Variants in CDYL2 observed in about 807,000 individuals in gnomAD.
CDYL2 encodes chromodomain Y-like protein 2.
In CDYL2, 23 loss-of-function variants were observed where a neutral mutation model predicts 49.4. That is an observed-to-expected ratio of 0.47 (90% CI 0.34 to 0.66). CDYL2 has a LOEUF of 0.66. CDYL2 is among the 30% of genes least tolerant of loss of function. The pLI is 0.01. For missense variants in CDYL2, 678 were observed against 656.4 expected (o/e 1.03, Z -0.36); for synonymous variants, 360 against 268.8 (o/e 1.34, Z -3.32).
intron 1 of CDYL2, among the ~76,000 whole-genome samples, chr16:80,704,615 C>T (rs1290218405): frequency 6.6e-6 from 1 of 152,224 alleles, no homozygotes; most frequent in Non-Finnish European, 1.5e-5. Flanking sequence ...TCAGGGAAGA[C>T]TCCTTGGAGG....
At chr16:80,631,101 G>A (rs892190102) in intron 3 of CDYL2, among the ~76,000 whole-genome samples, 1 of 152,178 alleles carries the variant, frequency 6.6e-6, no homozygotes, top group Non-Finnish European at 1.5e-5. Flanking sequence ...GAGACAAAAG[G>A]GCGAGCAAGA....
intron 2 of CDYL2, among the ~76,000 whole-genome samples, chr16:80,653,476 A>G (rs1908674497): frequency 6.6e-6 from 1 of 152,236 alleles, no homozygotes; most frequent in South Asian, 2.1e-4. Context: ...AAAAAACAAA[A>G]AAGCAAACAA....
At chr16:80,723,268 C>G (rs1905058792) in intron 1 of CDYL2, among the ~76,000 whole-genome samples, 1 of 152,210 alleles carries the variant, frequency 6.6e-6, no homozygotes, top group Non-Finnish European at 1.5e-5. Context: ...CTATGTATGG[C>G]TCCTACACAG....
intron 1 of CDYL2, among the ~76,000 whole-genome samples, chr16:80,760,783 G>A (rs1315725577): frequency 6.6e-6 from 1 of 151,548 alleles, no homozygotes; most frequent in Admixed American, 6.6e-5. Context: ...TAGAATGCAG[G>A]ATAGATGAAA....
At chr16:80,646,416 G>A (rs1244185162) in intron 2 of CDYL2, among the ~76,000 whole-genome samples, 2 of 152,164 alleles carry the variant, frequency 1.3e-5, no homozygotes, top group African/African-American at 4.8e-5. Context: ...AATGGCAGGA[G>A]AAAGTCTTTA....
chr16:80,666,055 A>G (rs181080189), intron 2 of CDYL2, among the ~76,000 whole-genome samples: 1 of 152,328 alleles, frequency 6.6e-6, no homozygotes, highest in Admixed American at 6.5e-5. Flanking sequence ...AAAGGAGAAG[A>G]GAAATGAAGA....
Position 80,633,231 on chromosome 16 carries a change from C to T in CDYL2, c.622G>A (p.Ala208Thr). The change falls in exon 3 of 7, where the codon GCT becomes ACT. Residue 208 changes from alanine (A) to threonine (T), a missense_variant. Physicochemically the swap from Ala to Thr is moderately conservative, Grantham distance 58 (BLOSUM62 0). This residue lies in a region of CDYL2 where 478 missense variants were observed against 427.0 expected (regional missense o/e 1.12). Coordinates refer to ENST00000570137, the MANE Select transcript of CDYL2 (RefSeq NM_152342.4). Reference protein sequence around the residue: ...ATLAENGLGSALTNGGLNLHS... With the variant: ...ATLAENGLGSTLTNGGLNLHS... ...AGGTTCAATCCCCCGTTGGTCAGAG[C>T]AGAGCCTTCCAAAACCAGATAAACA... 1 of 1,611,908 alleles carries T rather than the reference C, an allele frequency of 6.2e-7. No homozygotes were observed. Among genetic ancestry groups the T allele is most frequent in the Non-Finnish European group, 8.5e-7 (1 of 1,178,158 alleles).
At position 80,651,404 on chromosome 16, in the gene CDYL2, G is replaced by T. The variant is rs907589506; in HGVS notation, c.617-18168C>A. Among the ~76,000 whole-genome samples the T allele has an allele frequency of 3.3e-5, 5 of 152,256 alleles. No individual in the cohort carries two copies. In the South Asian group the frequency reaches 1.0e-3, roughly 32 times the overall value. ...CTAGTAAAAGCAAAAGTATAAAAAG[G>T]TAAAAAGATCAGTGGTTGCTAGAGG... On this transcript the variant is annotated intron_variant, in intron 2 of 6. Transcript: ENST00000570137.
At chr16:80,771,532 C>T (rs1011070130) in intron 1 of CDYL2, among the ~76,000 whole-genome samples, 2 of 152,108 alleles carry the variant, frequency 1.3e-5, no homozygotes, top group Non-Finnish European at 2.9e-5. Context: ...GGTGAAACCC[C>T]GTATCTACCA....
At chr16:80,781,418 G>C (rs755473580) in intron 1 of CDYL2, among the ~76,000 whole-genome samples, 2 of 152,140 alleles carry the variant, frequency 1.3e-5, no homozygotes, top group Non-Finnish European at 2.9e-5. Flanking sequence ...AGGAGGGAGA[G>C]ACAGACCGTT....
chr16:80,718,566 C>T (rs189916516), intron 1 of CDYL2, among the ~76,000 whole-genome samples: 26 of 152,266 alleles, frequency 1.7e-4, no homozygotes, highest in African/African-American at 3.8e-4. Flanking sequence ...TTTACTGCTC[C>T]GTGACAAGGC....
chr16:80,737,947 C>A (rs1345154068), intron 1 of CDYL2, among the ~76,000 whole-genome samples: 1 of 152,090 alleles, frequency 6.6e-6, no homozygotes, highest in East Asian at 1.9e-4. Flanking sequence ...TATACATGTG[C>A]CATGGTGGTT....
intron 1 of CDYL2, among the ~76,000 whole-genome samples, chr16:80,727,942 C>A (rs1166083567): frequency 3.9e-5 from 6 of 152,152 alleles, no homozygotes; most frequent in African/African-American, 1.4e-4. Context: ...ACCAAAAACC[C>A]ATCTGTACAT....
At chr16:80,736,703 G>A (rs1475116898) in intron 1 of CDYL2, among the ~76,000 whole-genome samples, 1 of 152,194 alleles carries the variant, frequency 6.6e-6, no homozygotes, top group African/African-American at 2.4e-5. Context: ...TTGAGTCTAG[G>A]AGTTCAAGAT....
At chr16:80,749,935 G>C (rs942003152) in intron 1 of CDYL2, among the ~76,000 whole-genome samples, 4 of 152,088 alleles carry the variant, frequency 2.6e-5, no homozygotes, top group Non-Finnish European at 5.9e-5. Context: ...GTCCTTTGTA[G>C]GGACATGGAT....
intron 2 of CDYL2, among the ~76,000 whole-genome samples, chr16:80,659,098 T>C (rs372604396): frequency 8.1e-4 from 108 of 132,928 alleles, no homozygotes; most frequent in Non-Finnish European, 1.2e-3. Flanking sequence ...GATGGATGGA[T>C]GGACAGACGG....
intron 1 of CDYL2, among the ~76,000 whole-genome samples, chr16:80,748,376 T>C (rs1271784290): frequency 1.3e-5 from 2 of 148,342 alleles, no homozygotes; most frequent in African/African-American, 4.9e-5. Flanking sequence ...AATATAAAAA[T>C]ATTAGCCAGG....
At chr16:80,760,761 G>A (rs190981232) in intron 1 of CDYL2, among the ~76,000 whole-genome samples, 136 of 151,594 alleles carry the variant, frequency 9.0e-4, no homozygotes, top group Non-Finnish European at 1.0e-3. Flanking sequence ...CTACCAGAGG[G>A]GGCAGTCCAT....
At chr16:80,783,752 C>T (rs939367457) in intron 1 of CDYL2, among the ~76,000 whole-genome samples, 3 of 152,178 alleles carry the variant, frequency 2.0e-5, no homozygotes, top group Non-Finnish European at 4.4e-5. Flanking sequence ...CAAGCTACAA[C>T]ATGGCTGAGC....
Sources: allele counts gnomAD v4.1 joint callset (sites outside exome capture counted in the v4.1 genomes callset), GRCh38; gene constraint gnomAD v4.1.1; regional missense constraint gnomAD v4.1.1; transcripts MANE v1.5; gene names NCBI Gene and HGNC (gene_info 2026-07-23, HGNC 2026-07-21).